The following NALCN variants were observed in gnomAD, a reference collection of about 807,000 sequenced individuals.
NALCN encodes the protein sodium leak channel NALCN.
Under a neutral mutation model 225.3 loss-of-function variants are expected in NALCN, and 111 were observed. The ratio of observed to expected loss-of-function variants is 0.49; its 90% CI spans 0.42 to 0.58. The LOEUF (loss-of-function observed/expected upper bound fraction) is 0.58, where lower values mean the gene tolerates loss of function less well. Among genes scored for constraint, NALCN ranks in the 20% least tolerant of loss-of-function variants. The pLI, the probability that NALCN is intolerant of heterozygous loss-of-function variation, is 0.00. For synonymous variants in NALCN, 764 were observed against 769.0 expected, an observed-to-expected ratio of 0.99 and a Z score of 0.11; for missense variants, 1,378 against 2,202.4, an observed-to-expected ratio of 0.63 and a Z score of 7.49.
chr13:101,376,363 A>C (rs2046689078), intron 6 of NALCN, among the ~76,000 whole-genome samples: 1 of 152,044 alleles, frequency 6.6e-6, no homozygotes, highest in Non-Finnish European at 1.5e-5. Flanking sequence ...TGGACAAAAC[A>C]AAAATTAGTC....
intron 36 of NALCN, 30 bp from the exon 37 acceptor site, chr13:101,073,707 G>T (rs1481437190): frequency 8.3e-6 from 13 of 1,566,220 alleles, no homozygotes; most frequent in Non-Finnish European, 1.1e-5. Context: ...TTAACAGAAT[G>T]TGAATTATAG....
chr13:101,280,560 C>T (rs1407084503), intron 10 of NALCN, among the ~76,000 whole-genome samples: 2 of 152,136 alleles, frequency 1.3e-5, no homozygotes, highest in Admixed American at 1.3e-4. Context: ...CATCTATTAA[C>T]AAGGATTTAA....
chr13:101,222,743 C>T (rs1420646491), intron 13 of NALCN, among the ~76,000 whole-genome samples: 1 of 152,172 alleles, frequency 6.6e-6, no homozygotes, highest in Non-Finnish European at 1.5e-5. Flanking sequence ...TCTAAATATG[C>T]TTATAACATC....
Position 101,237,877 on chromosome 13 carries a change from A to G in NALCN, c.1312T>C (p.Trp438Arg), listed in dbSNP as rs1179998022. 3 of 1,607,618 alleles carry G rather than the reference A, an allele frequency of 1.9e-6. No individual in the cohort carries two copies. Among genetic ancestry groups the G allele is most frequent in the Admixed American group, 1.7e-5 (1 of 58,952 alleles). ...LFDLEALLKI[W>R]CLGFTGYISS... ...ATATATCCAGTAAATCCCAAACACC[A>G]TATCTTCAGAAGTGCTTCCAAATCA... Residue 438 changes from tryptophan to arginine, a missense_variant, in exon 12 of 44, where the codon TGG becomes CGG. Coordinates refer to ENST00000251127, the MANE Select transcript of NALCN (RefSeq NM_052867.4).
intron 17 of NALCN, among the ~76,000 whole-genome samples, chr13:101,132,932 AT>A (rs2036589569): frequency 6.6e-6 from 1 of 152,180 alleles, no homozygotes; most frequent in African/African-American, 2.4e-5. Context: ...TGTTCTACAT[AT>A]GCATAATTGA....
chr13:101,129,460 T>C (rs1429769630), intron 17 of NALCN, among the ~76,000 whole-genome samples: 2 of 152,208 alleles, frequency 1.3e-5, no homozygotes, highest in East Asian at 1.9e-4. Context: ...TCTTTTTATA[T>C]GACCCTCGTA....
chr13:101,403,960 T>G (rs965452875), intron 1 of NALCN, among the ~76,000 whole-genome samples: 1 of 152,236 alleles, frequency 6.6e-6, no homozygotes, highest in Non-Finnish European at 1.5e-5. Context: ...CAGAAGTTTC[T>G]CATTCATTCA....
intron 7 of NALCN, among the ~76,000 whole-genome samples, chr13:101,321,036 T>C (rs1292473843): frequency 6.6e-6 from 1 of 151,986 alleles, no homozygotes; most frequent in African/African-American, 2.4e-5. Context: ...ACAAAGTCAT[T>C]CTTGATTCTC....
chr13:101,070,265 A>G (rs1274196600), intron 37 of NALCN, among the ~76,000 whole-genome samples: 2 of 151,664 alleles, frequency 1.3e-5, no homozygotes, highest in Non-Finnish European at 2.9e-5. Flanking sequence ...ACAAGGTTTC[A>G]CCATGTTAGC....
chr13:101,415,816 C>T (rs1363559037), intron 1 of NALCN, among the ~76,000 whole-genome samples: 1 of 151,820 alleles, frequency 6.6e-6, no homozygotes, highest in African/African-American at 2.4e-5. Context: ...ACCCCCACCT[C>T]CCCACCCGCG....
rs180775055 is a variant in NALCN at position 101,412,481 on chromosome 13, G to A, written c.-40+3832C>T. 2.0e-3 allele frequency among the ~76,000 whole-genome samples: 312 copies of A among 152,248 alleles called. 5 individuals are homozygous for A. The highest frequency in any genetic ancestry group is 7.2e-3 in the African/African-American group (300 of 41,540). ...CCCCTGCCCCCACCCTGGACCTGTG[G>A]GGTCAGTCCCTGTCTTCAGAACATA... On this transcript the variant is annotated intron_variant, in intron 1 of 43. Transcript: ENST00000251127.
chr13:101,107,504 G>A lies in NALCN; in HGVS notation c.2562C>T (p.Val854=), dbSNP rs1422413861. The part of the protein sequence containing the change: ...HRFRNFCRVV[V]RARFNASKTD... ...GTACTTACGCGTTGAAGCGTGCTCG[G>A]ACCACCACCCGGCAAAAGTTTCTGA... Residue 854 remains valine (V), a synonymous_variant, in exon 22 of 44, where the codon GTC becomes GTT. Coordinates refer to ENST00000251127, the MANE Select transcript of NALCN (RefSeq NM_052867.4). 1 of 1,613,982 alleles carries A rather than the reference G, an allele frequency of 6.2e-7. No individual in the cohort carries two copies. The highest frequency in any genetic ancestry group is 8.5e-7 in the Non-Finnish European group (1 of 1,179,990).
chr13:101,268,325 T>C (rs2042663503), intron 10 of NALCN, among the ~76,000 whole-genome samples: 1 of 152,090 alleles, frequency 6.6e-6, no homozygotes, highest in South Asian at 2.1e-4. Flanking sequence ...GCATTTACAT[T>C]ATGGAAAGCA....
chr13:101,318,695 A>C (rs1467848470), intron 7 of NALCN, among the ~76,000 whole-genome samples: 2 of 152,204 alleles, frequency 1.3e-5, no homozygotes, highest in Admixed American at 1.3e-4. Context: ...AATCCACCCC[A>C]GGGAACTTTT....
intron 7 of NALCN, among the ~76,000 whole-genome samples, chr13:101,295,946 T>C (rs2043736695): frequency 6.6e-6 from 1 of 152,226 alleles, no homozygotes; most frequent in Non-Finnish European, 1.5e-5. Context: ...TCATTTTCTT[T>C]GGGAAGTGGA....
chr13:101,387,238 A>G (rs886541519), intron 3 of NALCN, among the ~76,000 whole-genome samples: 1 of 149,144 alleles, frequency 6.7e-6, no homozygotes, highest in Non-Finnish European at 1.5e-5. Flanking sequence ...AAAAAAAAAA[A>G]AAAAAAAAAA....
chr13:101,367,454 A>G (rs1254654394), intron 6 of NALCN, among the ~76,000 whole-genome samples: 1 of 152,136 alleles, frequency 6.6e-6, no homozygotes, highest in African/African-American at 2.4e-5. Flanking sequence ...TAAGGTAATT[A>G]ATCTTTGGCT....
chr13:101,232,543 T>TC (rs2041390474), intron 12 of NALCN, among the ~76,000 whole-genome samples: 1 of 151,746 alleles, frequency 6.6e-6, no homozygotes, highest in South Asian at 2.1e-4. Flanking sequence ...CCTCCCGGGT[T>TC]CACACCATTC....
At chr13:101,312,359 C>T (rs2044378436) in intron 7 of NALCN, among the ~76,000 whole-genome samples, 1 of 152,062 alleles carries the variant, frequency 6.6e-6, no homozygotes, top group Non-Finnish European at 1.5e-5. Context: ...TCTCTATTTC[C>T]TTCAGTTCTG....
Sources: allele counts gnomAD v4.1 joint callset (sites outside exome capture counted in the v4.1 genomes callset), GRCh38; gene constraint gnomAD v4.1.1; transcripts MANE v1.5; gene names NCBI Gene and HGNC (gene_info 2026-07-23, HGNC 2026-07-21).